The following TBC1D19 variants were observed in gnomAD, a reference collection of about 807,000 sequenced individuals.
TBC1D19 encodes the protein TBC1 domain family, member 19.
TBC1D19 carries 60 observed loss-of-function variants against 89.0 expected under a neutral mutation model. That is an observed-to-expected ratio of 0.67 (90% CI 0.55 to 0.84). The LOEUF (loss-of-function observed/expected upper bound fraction) is 0.84, where lower values mean the gene tolerates loss of function less well. Ranked by LOEUF, TBC1D19 falls within the 40% of genes least tolerant of loss-of-function variation. The pLI is 0.00. For synonymous variants in TBC1D19, 189 were observed against 199.7 expected, an observed-to-expected ratio of 0.95 and a Z score of 0.45; for missense variants, 500 against 610.8, an observed-to-expected ratio of 0.82 and a Z score of 1.91.
At chr4:26,791,887 C>T in the TBC1D19 span, among the ~76,000 whole-genome samples, 1 of 152,146 alleles carries the variant, frequency 6.6e-6, no homozygotes, top group Admixed American at 6.5e-5. Context: ...GGGGAAAGGT[C>T]CAAGCTGGGG....
At chr4:26,817,981 A>AAAATATAT in the TBC1D19 span, among the ~76,000 whole-genome samples, 10 of 126,078 alleles carry the variant, frequency 7.9e-5, no homozygotes, top group African/African-American at 3.7e-4. Flanking sequence ...AAAAAAAAAA[A>AAAATATAT]ATATATATAT....
rs752386162 is a variant in TBC1D19, at chr4:26,748,469, C to G, written c.1378C>G (p.Gln460Glu). 6.2e-6 allele frequency: 10 copies of G among 1,613,776 alleles called. No individual in the cohort carries two copies. In the South Asian group the frequency reaches 9.9e-5, roughly 16 times the overall value. The stretch of plus-strand genomic sequence containing the variant: ...TTTCTCTGGATACTTAGCTACAGAT[C>G]AGCTCTTGCTTTTATGGGATAGAAT... ...RAFSGYLATD[Q>E]LLLLWDRILG... is the part of the protein sequence containing the mutation. Residue 460 changes from glutamine to glutamate, a missense_variant, in exon 19 of 21, where the codon CAG becomes GAG. Around this residue, in one of 2 missense-constraint regions of TBC1D19, gnomAD observed 220 missense variants for 319.1 expected, o/e 0.69. Transcript: ENST00000264866.
In TBC1D19 at chr4:26,755,728, A is replaced by G. The variant is rs1225741167; in HGVS notation, c.*781A>G. ...TAACTATACAAGGAAGACACCCAAG[A>G]GAATGAGGAGTCAAAACCCCATTCA... On this transcript the variant is annotated 3_prime_UTR_variant, in exon 21 of 21. Transcript: ENST00000264866. Among the ~76,000 whole-genome samples the G allele has an allele frequency of 6.6e-6, 1 of 152,186 alleles. No individual in the cohort carries two copies. Among genetic ancestry groups the G allele is most frequent in the African/African-American group, 2.4e-5 (1 of 41,448 alleles).
chr4:26,710,850 T>C (rs1716131319), intron 13 of TBC1D19, among the ~76,000 whole-genome samples: 1 of 152,210 alleles, frequency 6.6e-6, no homozygotes, highest in Non-Finnish European at 1.5e-5. Flanking sequence ...TCTGTTCATA[T>C]CCTTCGCCCA....
the TBC1D19 span, among the ~76,000 whole-genome samples, chr4:26,802,241 G>C: frequency 1.3e-5 from 2 of 152,162 alleles, no homozygotes; most frequent in African/African-American, 4.8e-5. Flanking sequence ...AATTATAATA[G>C]AACTGCACCA....
intron 13 of TBC1D19, among the ~76,000 whole-genome samples, chr4:26,696,329 C>G (rs543562111): frequency 1.3e-5 from 2 of 152,284 alleles, no homozygotes; most frequent in East Asian, 1.9e-4. Flanking sequence ...TATATATGCA[C>G]CCGATACAGG....
chr4:26,768,660 A>C, the TBC1D19 span, among the ~76,000 whole-genome samples: 1 of 152,184 alleles, frequency 6.6e-6, no homozygotes, highest in South Asian at 2.1e-4. Flanking sequence ...TCTAGATTTA[A>C]AAAATAGTGT....
Position 26,610,436 on chromosome 4 carries a change from G to C in TBC1D19, c.100-2733G>C, listed in dbSNP as rs531731624. On this transcript the variant is annotated intron_variant, in intron 1 of 20. Transcript: ENST00000264866. Reference sequence around the variant, plus strand: ...TTTCTTTTTTTTTTTTTTTTTAGCTGTTCTGTTAGATATTTTATTATTCTT... The same window carrying C: ...TTTCTTTTTTTTTTTTTTTTTAGCTCTTCTGTTAGATATTTTATTATTCTT... Among the ~76,000 whole-genome samples the C allele has an allele frequency of 3.5e-3, 443 of 128,220 alleles. 4 individuals carry two copies. The highest frequency in any genetic ancestry group is 0.013 in the African/African-American group (429 of 34,212). 84.1% of individuals were successfully genotyped at this position (128,220 alleles called of 152,430 possible).
chr4:26,638,634 A>G (rs1743287360), intron 5 of TBC1D19, 137 bp from the exon 6 acceptor site: 2 of 657,594 alleles, frequency 3.0e-6, no homozygotes. Flanking sequence ...TTACCCCCCA[A>G]ATTCAACATG....
At chr4:26,849,201 A>AACACACAC in the TBC1D19 span, among the ~76,000 whole-genome samples, 3 of 149,178 alleles carry the variant, frequency 2.0e-5, no homozygotes, top group East Asian at 4.0e-4. Flanking sequence ...CACACACACA[A>AACACACAC]ACACACACAC....
At chr4:26,710,893 AGTTT>A (rs1332420857) in intron 13 of TBC1D19, among the ~76,000 whole-genome samples, 2 of 151,850 alleles carry the variant, frequency 1.3e-5, no homozygotes, top group African/African-American at 4.8e-5. Context: ...TTTTCTTGTA[AGTTT>A]GTTTGAGTTC....
At chr4:26,716,664 C>T (rs1716634109) in intron 13 of TBC1D19, among the ~76,000 whole-genome samples, 1 of 152,020 alleles carries the variant, frequency 6.6e-6, no homozygotes, top group African/African-American at 2.4e-5. Context: ...AAAGAAACTA[C>T]ATATAATCCT....
At chr4:26,646,987 G>A (rs1744015412) in intron 7 of TBC1D19, among the ~76,000 whole-genome samples, 1 of 152,114 alleles carries the variant, frequency 6.6e-6, no homozygotes, top group African/African-American at 2.4e-5. Flanking sequence ...CCTGCTGCCT[G>A]GCACATATAC....
chr4:26,683,641 A>C, intron 11 of TBC1D19, 34 bp from the exon 12 acceptor site: 1 of 1,539,506 alleles, frequency 6.5e-7, no homozygotes, highest in Non-Finnish European at 8.9e-7. Flanking sequence ...AATGTGATTG[A>C]CCTTTAATTT....
chr4:26,688,274 C>T (rs1713988230), intron 12 of TBC1D19, 71 bp from the exon 13 acceptor site: 1 of 1,463,094 alleles, frequency 6.8e-7, no homozygotes, highest in South Asian at 1.4e-5. Context: ...CTTCTAAATA[C>T]ATGTGTATGC....
chr4:26,721,614 C>T (rs924983086), intron 15 of TBC1D19, among the ~76,000 whole-genome samples: 38 of 152,170 alleles, frequency 2.5e-4, no homozygotes, highest in African/African-American at 9.2e-4. Flanking sequence ...TGAAAATCTG[C>T]AAATTGCCAT....
At chr4:26,607,325 A>G (rs945507793) in intron 1 of TBC1D19, among the ~76,000 whole-genome samples, 31 of 152,172 alleles carry the variant, frequency 2.0e-4, no homozygotes, top group African/African-American at 7.0e-4. Context: ...TCTTTTACAA[A>G]TATTTAGTCC....
intron 9 of TBC1D19, among the ~76,000 whole-genome samples, chr4:26,671,635 T>G (rs1712320280): frequency 6.6e-6 from 1 of 151,854 alleles, no homozygotes; most frequent in Non-Finnish European, 1.5e-5. Context: ...AGCGAGATTT[T>G]TCCTATATAG....
Position 26,659,595 on chromosome 4 carries a change from A to G in TBC1D19, c.481-2A>G. 6.4e-7 allele frequency: 1 copy of G among 1,567,792 alleles called. No individual in the cohort carries two copies. Among genetic ancestry groups the G allele is most frequent in the Non-Finnish European group, 8.7e-7 (1 of 1,145,396 alleles). On this transcript the variant is annotated splice_acceptor_variant, in intron 7 of 20. Coordinates refer to ENST00000264866, the MANE Select transcript of TBC1D19 (RefSeq NM_018317.4). LOFTEE classifies it high-confidence loss of function. ...CCAATTTTGTTGGATTTGTTTTTAA[A>G]GGTATTAATTAATCTTCGCAACCCA...
Sources: allele counts gnomAD v4.1 joint callset (sites outside exome capture counted in the v4.1 genomes callset), GRCh38; gene constraint gnomAD v4.1.1; regional missense constraint gnomAD v4.1.1; transcripts MANE v1.5; gene names NCBI Gene and HGNC (gene_info 2026-07-23, HGNC 2026-07-21).